Variants in UGT2B28 observed in about 807,000 individuals in gnomAD.
The protein encoded by UGT2B28 is UDP glucuronosyltransferase family 2 member B28.
Under a neutral mutation model 43.6 loss-of-function variants are expected in UGT2B28, and 45 were observed. That is an observed-to-expected ratio of 1.03 (90% CI 0.81 to 1.32). The LOEUF (loss-of-function observed/expected upper bound fraction) is 1.32, where lower values mean the gene tolerates loss of function less well. Ranked by LOEUF, UGT2B28 falls within the 40% of genes most tolerant of loss-of-function variation. The pLI is 0.00. For synonymous variants in UGT2B28, 204 were observed against 208.1 expected (o/e 0.98, Z 0.17); for missense variants, 649 against 625.5 (o/e 1.04, Z -0.40).
rs758706105 is a variant in UGT2B28 at position 69,287,050 on chromosome 4, C to G, written c.1002+167C>G. Among the ~76,000 whole-genome samples, 4 of 138,582 alleles carry G rather than the reference C, an allele frequency of 2.9e-5. 1 individual carries two copies. The highest frequency in any genetic ancestry group is 5.7e-5 in the African/African-American group (2 of 35,264). 90.9% of individuals were successfully genotyped at this position (138,582 alleles called of 152,430 possible). A position where few individuals can be genotyped will look rare whatever the true frequency, so the allele number is the denominator to read the frequency against. The stretch of plus-strand genomic sequence containing the variant: ...ACACAAGTCATAGTTGTGCCTCAGA[C>G]TTAGTGGTTACATGTGGCCCTGGGG... On this transcript the variant is annotated intron_variant, in intron 3 of 5. Transcript: ENST00000335568.
rs1723797668 is a variant in UGT2B28, at chr4:69,286,988, C to A, written c.1002+105C>A. ...AAGGCTAGACTGAACTCTTTACAGC[C>A]AAATACAGTCTTAAATATCTTGTGT... is the stretch of plus-strand genomic sequence containing the variant. On this transcript the variant is annotated intron_variant, in intron 3 of 5. Transcript: ENST00000335568. 2.0e-6 allele frequency: 3 copies of A among 1,469,006 alleles called. 1 individual carries two copies. The African/African-American group carries it at 4.9e-5, about 24-fold the overall frequency. 91.0% of individuals were successfully genotyped at this position (1,469,006 alleles called of 1,614,324 possible).
Position 69,286,738 on chromosome 4 carries a change from AT to A in UGT2B28, c.871-6del, listed in dbSNP as rs750610811. On this transcript the variant is annotated splice_polypyrimidine_tract_variant and intron_variant, in intron 2 of 5. Transcript: ENST00000335568. ...GGTGATACTCTTTTGTGATTAAACA[AT>A]TTTTTTTCACAGGAAATGGAGGAAT... 1.1e-5 allele frequency: 17 copies of A among 1,550,808 alleles called. No individual in the cohort carries two copies. The highest frequency in any genetic ancestry group is 1.1e-4 in the South Asian group (9 of 83,674).
Position 69,285,884 on chromosome 4 carries a change from C to A in UGT2B28, c.871-868C>A, listed in dbSNP as rs1164152068. Reference sequence around the variant, plus strand: ...CTGGTGGCCTCTTCTATTCTGGTGCCAGTGCTGCCTCTGAGACACAACAAA... The same window carrying A: ...CTGGTGGCCTCTTCTATTCTGGTGCAAGTGCTGCCTCTGAGACACAACAAA... On this transcript the variant is annotated intron_variant, in intron 2 of 5. Coordinates refer to ENST00000335568, the MANE Select transcript of UGT2B28 (RefSeq NM_053039.2). Among the ~76,000 whole-genome samples, 4 of 140,934 alleles carry A rather than the reference C, an allele frequency of 2.8e-5. 1 individual carries two copies. The highest frequency in any genetic ancestry group is 6.1e-5 in the Non-Finnish European group (4 of 65,948). 92.5% of individuals were successfully genotyped at this position (140,934 alleles called of 152,430 possible).
Position 69,280,475 on chromosome 4 carries a change from G to C in UGT2B28, c.-26G>C, listed in dbSNP as rs756203546. 1 of 1,534,848 alleles carries C rather than the reference G, an allele frequency of 6.5e-7. No individual in the cohort carries two copies. The highest frequency in any genetic ancestry group is 8.7e-7 in the Non-Finnish European group (1 of 1,145,444). On this transcript the variant is annotated 5_prime_UTR_variant, in exon 1 of 6. Transcript: ENST00000335568. ...AAGTATGAGAAAGAAACAGTGACTT[G>C]AAAAGAATGATTGCATTGCACCAGG...
intron 1 of UGT2B28, 88 bp downstream of exon 1, chr4:69,281,309 G>A: frequency 1.5e-6 from 2 of 1,349,906 alleles, no homozygotes; most frequent in Non-Finnish European, 1.9e-6. Context: ...AGTCAGGGAA[G>A]TGGAGTTTTT....
intron 5 of UGT2B28, among the ~76,000 whole-genome samples, chr4:69,293,966 C>T (rs1254444824): frequency 1.4e-5 from 2 of 140,192 alleles, no homozygotes; most frequent in South Asian, 2.4e-4. Context: ...TGTCACTCGC[C>T]ATGATAAAAT....
rs1388515965 is a variant in UGT2B28 at position 69,292,373 on chromosome 4, C to T, written c.1310+1562C>T. ...AGGAATGCTTTAAAAATACTTTATCCCAAAGAAAATAGAAGGATAATGAAT... is the reference window on the plus strand; with the variant it reads ...AGGAATGCTTTAAAAATACTTTATCTCAAAGAAAATAGAAGGATAATGAAT... On this transcript the variant is annotated intron_variant, in intron 5 of 5. Coordinates refer to ENST00000335568, the MANE Select transcript of UGT2B28 (RefSeq NM_053039.2). 2.2e-5 allele frequency among the ~76,000 whole-genome samples: 3 copies of T among 138,440 alleles called. 1 individual carries two copies. Among genetic ancestry groups the T allele is most frequent in the African/African-American group, 8.5e-5 (3 of 35,282 alleles). The allele number at this position is 138,440 out of a possible 152,430, so 90.8% of individuals were successfully genotyped here.
rs1481174906 is a variant in UGT2B28, at chr4:69,285,744, G to C, written c.871-1008G>C. Among the ~76,000 whole-genome samples, 5 of 140,950 alleles carry C rather than the reference G, an allele frequency of 3.5e-5. 1 individual carries two copies. Among genetic ancestry groups the C allele is most frequent in the Non-Finnish European group, 7.6e-5 (5 of 65,922 alleles). The allele number at this position is 140,950 out of a possible 152,430, so 92.5% of individuals were successfully genotyped here. A position where few individuals can be genotyped will look rare whatever the true frequency, so the allele number is the denominator to read the frequency against. On this transcript the variant is annotated intron_variant, in intron 2 of 5. Transcript: ENST00000335568. ...AATTTAAATATCGGTATACATTGGG[G>C]AACTCAAGTCAGAATAATTCTCAAT...
At chr4:69,292,805 A>G (rs1577998031) in intron 5 of UGT2B28, among the ~76,000 whole-genome samples, 1 of 140,466 alleles carries the variant, frequency 7.1e-6, no homozygotes, top group Non-Finnish European at 1.5e-5. Context: ...TGATCCAGCC[A>G]TAGTGGAAAT....
In UGT2B28 at chr4:69,282,949, A is replaced by C. The variant is rs1723661970; in HGVS notation, c.870+287A>C. Among the ~76,000 whole-genome samples, 5 of 141,010 alleles carry C rather than the reference A, an allele frequency of 3.5e-5. 1 individual carries two copies. In the South Asian group the frequency reaches 1.2e-3, roughly 33 times the overall value. 92.5% of individuals were successfully genotyped at this position (141,010 alleles called of 152,430 possible). On this transcript the variant is annotated intron_variant, in intron 2 of 5. Coordinates refer to ENST00000335568, the MANE Select transcript of UGT2B28 (RefSeq NM_053039.2). Reference sequence around the variant, plus strand: ...GAGGTATTTGTCATTCATTCAAAGAATATTTATAAAGGGATTAGCACAAAA... The same window carrying C: ...GAGGTATTTGTCATTCATTCAAAGACTATTTATAAAGGGATTAGCACAAAA...
At position 69,290,769 on chromosome 4, in the gene UGT2B28, C is replaced by T. The variant is rs373957965; in HGVS notation, c.1268C>T (p.Thr423Ile). The change falls in exon 5 of 6, where the codon ACA becomes ATA. Residue 423 changes from threonine (T) to isoleucine (I), a missense_variant. Coordinates refer to ENST00000335568, the MANE Select transcript of UGT2B28 (RefSeq NM_053039.2). ...VRLDFHTMSS[T>I]DLLNALKTVI... The stretch of plus-strand genomic sequence containing the variant: ...CTGGACTTCCACACAATGTCGAGTA[C>T]AGACCTGCTGAATGCACTGAAGACA... The T allele has an allele frequency of 4.9e-5, 76 of 1,559,670 alleles. 11 individuals carry two copies. Among genetic ancestry groups the T allele is most frequent in the Admixed American group, 1.4e-4 (8 of 56,352 alleles).
intron 2 of UGT2B28, among the ~76,000 whole-genome samples, chr4:69,283,465 AG>A (rs1372591974): frequency 7.1e-6 from 1 of 140,316 alleles, no homozygotes; most frequent in African/African-American, 2.8e-5. Context: ...AAATTACAGA[AG>A]GGCCACACTG....
intron 3 of UGT2B28, among the ~76,000 whole-genome samples, chr4:69,288,056 A>G (rs1339568057): frequency 7.1e-6 from 1 of 140,152 alleles, no homozygotes; most frequent in Admixed American, 7.2e-5. Context: ...CTAAGTGATA[A>G]TAATCAGTTG....
At chr4:69,285,034 G>C (rs1043677671) in intron 2 of UGT2B28, among the ~76,000 whole-genome samples, 1 of 139,240 alleles carries the variant, frequency 7.2e-6, no homozygotes, top group Non-Finnish European at 1.5e-5. Flanking sequence ...ATTTGCATAC[G>C]ATAGCATTAA....
chr4:69,291,307 T>C (rs1055064104), intron 5 of UGT2B28, among the ~76,000 whole-genome samples: 1 of 139,814 alleles, frequency 7.2e-6, no homozygotes, highest in Non-Finnish European at 1.5e-5. Flanking sequence ...GTTTACAGAG[T>C]CATGAAACTA....
At position 69,288,484 on chromosome 4, in the gene UGT2B28, A is replaced by G. The variant is rs1381272973; in HGVS notation, c.1003-1181A>G. Reference sequence around the variant, plus strand: ...GATATAAAATACATAAAACAAACATATAGGTCATTACTAAATAGTTACTGT... The same window carrying G: ...GATATAAAATACATAAAACAAACATGTAGGTCATTACTAAATAGTTACTGT... On this transcript the variant is annotated intron_variant, in intron 3 of 5. Transcript: ENST00000335568. Among the ~76,000 whole-genome samples the G allele has an allele frequency of 2.1e-5, 3 of 139,976 alleles. 1 individual carries two copies. The highest frequency in any genetic ancestry group is 1.5e-5 in the Non-Finnish European group (1 of 65,570). 91.8% of individuals were successfully genotyped at this position (139,976 alleles called of 152,430 possible).
At chr4:69,284,136 G>T (rs1723702227) in intron 2 of UGT2B28, among the ~76,000 whole-genome samples, 1 of 139,792 alleles carries the variant, frequency 7.2e-6, no homozygotes, top group African/African-American at 2.8e-5. Flanking sequence ...AAGCTTTCTG[G>T]GGGAACTTAT....
rs1469826225 is a variant in UGT2B28, at chr4:69,287,560, G to A, written c.1002+677G>A. Among the ~76,000 whole-genome samples the A allele has an allele frequency of 8.5e-5, 12 of 140,710 alleles. 1 individual carries two copies. In the South Asian group the frequency reaches 1.2e-3, roughly 14 times the overall value. The allele number at this position is 140,710 out of a possible 152,430, so 92.3% of individuals were successfully genotyped here. The stretch of plus-strand genomic sequence containing the variant: ...AGAGAACACTGCCTGAAGCAGGAAG[G>A]TGAAAGAGAAAGGATGGAGATGGAT... On this transcript the variant is annotated intron_variant, in intron 3 of 5. Transcript: ENST00000335568.
At chr4:69,290,123 ACT>A in intron 4 of UGT2B28, among the ~76,000 whole-genome samples, 1 of 139,222 alleles carries the variant, frequency 7.2e-6, no homozygotes, top group Non-Finnish European at 1.5e-5. Context: ...ATCACCAGTG[ACT>A]CTGTATTATC....
Sources: allele counts gnomAD v4.1 joint callset (sites outside exome capture counted in the v4.1 genomes callset), GRCh38; gene constraint gnomAD v4.1.1; transcripts MANE v1.5; gene names NCBI Gene and HGNC (gene_info 2026-07-23, HGNC 2026-07-21).